The following WDPCP variants were observed in gnomAD, a reference collection of about 807,000 sequenced individuals.
WDPCP encodes the protein WD repeat containing planar cell polarity effector.
Under a neutral mutation model 93.1 loss-of-function variants are expected in WDPCP, and 71 were observed. The observed-to-expected ratio is 0.76, with a 90% confidence interval of 0.63 to 0.93. WDPCP has a LOEUF of 0.93. Among genes scored for constraint, WDPCP ranks in the 40% least tolerant of loss-of-function variants. The probability of loss-of-function intolerance (pLI) is 0.00; values close to 1 mark genes in which losing one functional copy is unlikely to be tolerated. For synonymous variants in WDPCP, 315 were observed against 315.0 expected, an observed-to-expected ratio of 1.00 and a Z score of 0.00; for missense variants, 844 against 887.4, an observed-to-expected ratio of 0.95 and a Z score of 0.62.
In WDPCP at chr2:63,222,858, AAT is replaced by A. The variant is rs558924404; in HGVS notation, c.1915+36447_1915+36448del. On this transcript the variant is annotated intron_variant, in intron 14 of 17. Coordinates refer to ENST00000272321, the MANE Select transcript of WDPCP (RefSeq NM_015910.7). The stretch of plus-strand genomic sequence containing the variant: ...GTTATGACATTTCATTGTCATTAAT[AAT>A]ATGTGTACATATACATGTGTTCATT... Among the ~76,000 whole-genome samples, 936 of 152,316 alleles carry A rather than the reference AAT, an allele frequency of 6.1e-3. 4 individuals are homozygous for A. Among genetic ancestry groups the A allele is most frequent in the Non-Finnish European group, 0.01 (701 of 68,020 alleles).
At chr2:63,452,737 A>G (rs1698344579) in intron 6 of WDPCP, among the ~76,000 whole-genome samples, 2 of 152,250 alleles carry the variant, frequency 1.3e-5, no homozygotes, top group African/African-American at 4.8e-5. Flanking sequence ...ACTGGTACCA[A>G]AACAGAGATA....
chr2:63,569,157 C>A (rs745326958), intron 1 of WDPCP, among the ~76,000 whole-genome samples: 17 of 151,956 alleles, frequency 1.1e-4, no homozygotes, highest in Non-Finnish European at 2.4e-4. Flanking sequence ...CAATGTTGAA[C>A]AAAGAAACAA....
intron 2 of WDPCP, among the ~76,000 whole-genome samples, chr2:63,722,978 A>ACCTTACC (rs1182378372): frequency 6.6e-6 from 1 of 152,116 alleles, no homozygotes; most frequent in Admixed American, 6.5e-5. Flanking sequence ...TTGATCTGTG[A>ACCTTACC]CCTTACCCCC....
At chr2:63,292,132 C>CAAAA (rs58370764) in intron 13 of WDPCP, among the ~76,000 whole-genome samples, 4 of 83,384 alleles carry the variant, frequency 4.8e-5, no homozygotes, top group Non-Finnish European at 9.4e-5. Context: ...GACTCCGGCT[C>CAAAA]AAAAAAAAAA....
intron 1 of WDPCP, among the ~76,000 whole-genome samples, chr2:63,572,444 TATA>T (rs1226063831): frequency 1.3e-5 from 2 of 152,038 alleles, no homozygotes; most frequent in East Asian, 3.9e-4. Context: ...GGCTCATGCC[TATA>T]ATCCCAGGAC....
intron 12 of WDPCP, among the ~76,000 whole-genome samples, chr2:63,336,857 G>C (rs1421880422): frequency 6.7e-6 from 1 of 149,126 alleles, no homozygotes; most frequent in Admixed American, 6.7e-5. Flanking sequence ...CCTGGCCTCT[G>C]GTAACCACCA....
chr2:63,275,972 T>A (rs1050649776), intron 13 of WDPCP, among the ~76,000 whole-genome samples: 5 of 152,090 alleles, frequency 3.3e-5, no homozygotes, highest in African/African-American at 1.2e-4. Context: ...AGGAACTTGA[T>A]CACCCTGCAG....
chr2:63,700,289 AAAAAAAAAAAAAAAC>A (rs1313924766), intron 2 of WDPCP, among the ~76,000 whole-genome samples: 6 of 127,226 alleles, frequency 4.7e-5, no homozygotes, highest in Non-Finnish European at 1.1e-4. Context: ...TCTCAAAAAA[AAAAAAAAAAAAAAAC>A]AAAAAGAAAA....
In WDPCP at chr2:63,439,737, T is replaced by C. The variant is rs186575824; in HGVS notation, c.499+20A>G. ...CCCACTGTTAATGTAGGCAATTGAT[T>C]TGCACATGGGGGTAATTACCATCAC... is the stretch of plus-strand genomic sequence containing the variant. On this transcript the variant is annotated intron_variant, in intron 7 of 17. Transcript: ENST00000272321. 411 of 1,604,972 alleles carry C rather than the reference T, an allele frequency of 2.6e-4. 1 individual carries two copies. In the African/African-American group the frequency reaches 4.8e-3, roughly 19 times the overall value.
chr2:63,255,261 A>G (rs896273718), intron 14 of WDPCP, among the ~76,000 whole-genome samples: 1 of 152,212 alleles, frequency 6.6e-6, no homozygotes, highest in African/African-American at 2.4e-5. Context: ...TCTTTATACT[A>G]GAGCTTCTAG....
intron 9 of WDPCP, among the ~76,000 whole-genome samples, chr2:63,405,712 A>G (rs1694525265): frequency 6.6e-6 from 1 of 152,096 alleles, no homozygotes; most frequent in South Asian, 2.1e-4. Context: ...GCTATCTACC[A>G]ACATGGAACA....
At chr2:63,480,436 T>C (rs1476784796) in intron 6 of WDPCP, among the ~76,000 whole-genome samples, 1 of 152,030 alleles carries the variant, frequency 6.6e-6, no homozygotes, top group African/African-American at 2.4e-5. Context: ...AAAGCAAGAC[T>C]AAACAAAAAG....
intron 12 of WDPCP, chr2:63,360,158 G>C (rs991219948): frequency 6.6e-6 from 1 of 152,174 alleles, no homozygotes; most frequent in Non-Finnish European, 1.5e-5. Flanking sequence ...TGAAAAAGAA[G>C]TATCTATTAA....
rs201860503 is a variant in WDPCP at position 63,672,169 on chromosome 2, G to A, written n.309-21331C>T. On this transcript the variant is annotated intron_variant and non_coding_transcript_variant, in intron 2 of 4. Transcript: ENST00000467687. ...CTCGACATTGAACTGCCCCATCAAA[G>A]AGAGGAAGCCTATTTGGAATGACAC... Among the ~76,000 whole-genome samples the A allele has an allele frequency of 6.6e-5, 10 of 152,278 alleles. No individual in the cohort carries two copies. The East Asian group carries it at 1.9e-3, about 29-fold the overall frequency.
At chr2:63,692,085 G>C (rs1415808706) in intron 2 of WDPCP, among the ~76,000 whole-genome samples, 2 of 152,024 alleles carry the variant, frequency 1.3e-5, no homozygotes, top group African/African-American at 4.8e-5. Context: ...TTCAAGTTTT[G>C]TTTGAGCCAC....
intron 2 of WDPCP, among the ~76,000 whole-genome samples, chr2:63,785,046 A>G (rs1403982207): frequency 2.6e-5 from 4 of 152,242 alleles, no homozygotes; most frequent in African/African-American, 7.2e-5. Flanking sequence ...ACTGTTAAAC[A>G]AATGAAACTA....
At chr2:63,462,862 G>A (rs930364595) in intron 6 of WDPCP, among the ~76,000 whole-genome samples, 3 of 152,096 alleles carry the variant, frequency 2.0e-5, no homozygotes, top group Non-Finnish European at 2.9e-5. Context: ...GGTGGAAGAG[G>A]ACCAAAGAGG....
At chr2:63,318,822 T>G (rs968961464) in intron 12 of WDPCP, among the ~76,000 whole-genome samples, 7 of 152,074 alleles carry the variant, frequency 4.6e-5, no homozygotes, top group African/African-American at 1.4e-4. Context: ...CTATGCTCAT[T>G]AGTAGCATAG....
intron 1 of WDPCP, among the ~76,000 whole-genome samples, chr2:63,504,758 TAGAA>T (rs1701763925): frequency 6.6e-6 from 1 of 152,082 alleles, no homozygotes; most frequent in Non-Finnish European, 1.5e-5. Context: ...TTACTTTGCT[TAGAA>T]AGCTCTTGGA....
Sources: gnomAD v4.1 joint callset for allele counts (sites outside exome capture counted in the v4.1 genomes callset) on GRCh38, gnomAD v4.1.1 for gene constraint, MANE v1.5 for transcripts, NCBI Gene and HGNC (gene_info 2026-07-23, HGNC 2026-07-21) for gene names.